HHAT: variants seen among roughly 807,000 people sequenced by gnomAD.
HHAT encodes the protein hedgehog acyltransferase.
Under a neutral mutation model 70.8 loss-of-function variants are expected in HHAT, and 47 were observed. The observed-to-expected ratio is 0.66, with a 90% CI of 0.53 to 0.85. HHAT has a LOEUF of 0.85. Ranked by LOEUF, HHAT falls within the 40% of genes least tolerant of loss-of-function variation. HHAT has a pLI of 0.00. For synonymous variants in HHAT, 228 were observed against 247.6 expected (o/e 0.92, Z 0.74); for missense variants, 609 against 604.8 (o/e 1.01, Z -0.07).
intron 6 of HHAT, among the ~76,000 whole-genome samples, chr1:210,416,224 G>A (rs2092717166): frequency 6.6e-6 from 1 of 152,200 alleles, no homozygotes; most frequent in Non-Finnish European, 1.5e-5. Flanking sequence ...GCTGCAGAGG[G>A]TCCCACAGCA....
At chr1:210,597,402 TCCTTC>T (rs757413136) in intron 10 of HHAT, among the ~76,000 whole-genome samples, 13 of 152,202 alleles carry the variant, frequency 8.5e-5, no homozygotes, top group Admixed American at 3.3e-4. Flanking sequence ...CAGACTTGTA[TCCTTC>T]CCTTCAGGGT....
In HHAT at chr1:210,673,351, G is replaced by A. The variant is rs148525683; in HGVS notation, c.1391-937G>A. Among the ~76,000 whole-genome samples, 1,397 of 148,862 alleles carry A rather than the reference G, an allele frequency of 9.4e-3. 12 individuals are homozygous for A. Among genetic ancestry groups the A allele is most frequent in the Middle Eastern group, 0.024 (7 of 292 alleles). Reference sequence around the variant, plus strand: ...TAGTGTTATTTCACATTTACTACAAGTTTAAAAAAAAAAACACACAACGGT... The same window carrying A: ...TAGTGTTATTTCACATTTACTACAAATTTAAAAAAAAAAACACACAACGGT... On this transcript the variant is annotated intron_variant, in intron 11 of 11. Coordinates refer to ENST00000261458, the MANE Select transcript of HHAT (RefSeq NM_018194.6).
At chr1:210,536,527 A>G (rs1344567057) in intron 9 of HHAT, among the ~76,000 whole-genome samples, 1 of 152,326 alleles carries the variant, frequency 6.6e-6, no homozygotes, top group Non-Finnish European at 1.5e-5. Flanking sequence ...TAGTGATTGT[A>G]TCTCTCCTCT....
At chr1:210,412,904 TTGCAGTGCCAACTACAC>T (rs1484792897) in intron 6 of HHAT, among the ~76,000 whole-genome samples, 1 of 152,202 alleles carries the variant, frequency 6.6e-6, no homozygotes, top group African/African-American at 2.4e-5. Context: ...GCTTTTCTGG[TTGCAGTGCCAACTACAC>T]TGCACTGGGG....
intron 8 of HHAT, among the ~76,000 whole-genome samples, chr1:210,469,256 C>A (rs1160629364): frequency 6.6e-6 from 1 of 151,952 alleles, no homozygotes; most frequent in Non-Finnish European, 1.5e-5. Flanking sequence ...AGAGGAGTGG[C>A]CTTGGTCTTG....
At chr1:210,446,514 T>C (rs1369353051) in intron 7 of HHAT, among the ~76,000 whole-genome samples, 2 of 152,204 alleles carry the variant, frequency 1.3e-5, no homozygotes, top group African/African-American at 4.8e-5. Flanking sequence ...TGGCTTTTCA[T>C]TGAGCTTAGA....
At chr1:210,343,763 G>A (rs1354983976) in intron 1 of HHAT, among the ~76,000 whole-genome samples, 1 of 152,132 alleles carries the variant, frequency 6.6e-6, no homozygotes, top group African/African-American at 2.4e-5. Context: ...AATCCCTGGG[G>A]ATGCCAACTT....
intron 7 of HHAT, among the ~76,000 whole-genome samples, chr1:210,453,112 CAGTG>C (rs2148403026): frequency 6.6e-6 from 1 of 152,158 alleles, no homozygotes; most frequent in East Asian, 1.9e-4. Context: ...TACAACATAA[CAGTG>C]AGAGGAAAGG....
intron 3 of HHAT, chr1:210,374,310 C>T (rs531816575): frequency 2.0e-5 from 3 of 152,356 alleles, no homozygotes; most frequent in African/African-American, 7.2e-5. Context: ...GTAACCGCAA[C>T]TCCTAGTACG....
At chr1:210,657,882 G>A (rs1480504218) in intron 11 of HHAT, among the ~76,000 whole-genome samples, 2 of 152,144 alleles carry the variant, frequency 1.3e-5, no homozygotes, top group African/African-American at 2.4e-5. Context: ...GGGCACTTCC[G>A]TCAATTGACT....
chr1:210,522,766 C>A (rs74664546), intron 9 of HHAT, among the ~76,000 whole-genome samples: 3 of 151,956 alleles, frequency 2.0e-5, no homozygotes, highest in South Asian at 4.2e-4. Context: ...CTCCTTGCCC[C>A]CCACCCCCCA....
rs766598205 is a variant in HHAT at position 210,483,882 on chromosome 1, C to T, written c.1007+19227C>T. Among the ~76,000 whole-genome samples, 10 of 152,222 alleles carry T rather than the reference C, an allele frequency of 6.6e-5. 1 individual carries two copies. The highest frequency in any genetic ancestry group is 1.3e-4 in the Non-Finnish European group (9 of 68,014). ...TATAAATCTTTCTATAAGGATAAAT[C>T]GATTTTTGCCACAGAGCAAAAGCTG... is the stretch of plus-strand genomic sequence containing the variant. On this transcript the variant is annotated intron_variant, in intron 8 of 11. Coordinates refer to ENST00000261458, the MANE Select transcript of HHAT (RefSeq NM_018194.6).
intron 11 of HHAT, chr1:210,631,312 T>C (rs945338342): frequency 2.8e-6 from 1 of 355,722 alleles, no homozygotes; most frequent in Admixed American, 3.8e-5. Flanking sequence ...CTAAAGTGCC[T>C]GGTTAATTGT....
chr1:210,375,591 G>A (rs2090124883), intron 3 of HHAT, among the ~76,000 whole-genome samples: 3 of 151,862 alleles, frequency 2.0e-5, no homozygotes, highest in Admixed American at 2.0e-4. Context: ...TTTAATTGCT[G>A]TATTTAATTT....
At chr1:210,466,637 A>G (rs931077879) in intron 8 of HHAT, among the ~76,000 whole-genome samples, 2 of 152,242 alleles carry the variant, frequency 1.3e-5, no homozygotes, top group African/African-American at 4.8e-5. Flanking sequence ...TGATAAAACC[A>G]TAACTCCCTG....
chr1:210,545,436 C>CT (rs71571956), intron 9 of HHAT, among the ~76,000 whole-genome samples: 56,700 of 127,134 alleles, frequency 0.45, 13,266 homozygotes, highest in Non-Finnish European at 0.5. Context: ...CTTTTTTTTC[C>CT]TTTTTTTTTT....
At chr1:210,519,601 C>T (rs1302811390) in intron 9 of HHAT, among the ~76,000 whole-genome samples, 4 of 147,914 alleles carry the variant, frequency 2.7e-5, no homozygotes, top group Non-Finnish European at 5.9e-5. Context: ...GATCATGGCT[C>T]ACTGCAGCCT....
At chr1:210,457,048 C>T (rs763577674) in intron 7 of HHAT, among the ~76,000 whole-genome samples, 9 of 152,288 alleles carry the variant, frequency 5.9e-5, no homozygotes, top group Non-Finnish European at 1.0e-4. Context: ...TGACCAAGCA[C>T]GTTACAGAAC....
At chr1:210,386,872 G>T (rs2091115949) in intron 3 of HHAT, among the ~76,000 whole-genome samples, 1 of 152,140 alleles carries the variant, frequency 6.6e-6, no homozygotes, top group Non-Finnish European at 1.5e-5. Flanking sequence ...CTTCTTGGGG[G>T]GAAGGGAAGT....
Sources: allele counts gnomAD v4.1 joint callset (sites outside exome capture counted in the v4.1 genomes callset), GRCh38; gene constraint gnomAD v4.1.1; transcripts MANE v1.5; gene names NCBI Gene and HGNC (gene_info 2026-07-23, HGNC 2026-07-21).